The following FBXL4 variants were observed in gnomAD, a reference collection of about 807,000 sequenced individuals.
FBXL4 encodes F-box and leucine rich repeat protein 4.
In FBXL4, 40 loss-of-function variants were observed where a neutral mutation model predicts 58.9. The ratio of observed to expected loss-of-function variants is 0.68; its 90% confidence interval spans 0.53 to 0.88. FBXL4 has a LOEUF of 0.88. Among genes scored for constraint, FBXL4 ranks in the 40% least tolerant of loss-of-function variants. The pLI is 0.00. For missense variants in FBXL4, 676 were observed against 734.4 expected, an observed-to-expected ratio of 0.92 and a Z score of 0.92; for synonymous variants, 263 against 265.5, an observed-to-expected ratio of 0.99 and a Z score of 0.09.
At chr6:98,921,110 T>C (rs1238685139) in intron 4 of FBXL4, among the ~76,000 whole-genome samples, 1 of 152,178 alleles carries the variant, frequency 6.6e-6, no homozygotes, top group East Asian at 1.9e-4. Flanking sequence ...ATCTGGAGCA[T>C]TCAATTCTGG....
rs1379012579 is a variant in FBXL4, at chr6:98,880,636, G to C, written c.1318-12C>G. 1 of 1,611,554 alleles carries C rather than the reference G, an allele frequency of 6.2e-7. No individual in the cohort carries two copies. Among genetic ancestry groups the C allele is most frequent in the East Asian group, 2.2e-5 (1 of 44,822 alleles). On this transcript the variant is annotated splice_polypyrimidine_tract_variant and intron_variant, in intron 7 of 9. Transcript: ENST00000369244. ...AGCAGTGCTGTTTGCTGCCATTAGG[G>C]ACCACATCAGAGGCAAATATGGAAA...
chr6:98,937,936 T>C (rs1434305593), intron 1 of FBXL4, among the ~76,000 whole-genome samples: 2 of 152,070 alleles, frequency 1.3e-5, no homozygotes, highest in Non-Finnish European at 2.9e-5. Context: ...AACACTCGTC[T>C]CCACCAAGTT....
rs117259561 is a variant in FBXL4 at position 98,880,284 on chromosome 6, C to T, written c.1389+269G>A. 3.6e-3 allele frequency among the ~76,000 whole-genome samples: 555 copies of T among 152,306 alleles called. 3 individuals are homozygous for T. Among genetic ancestry groups the T allele is most frequent in the Middle Eastern group, 0.02 (6 of 294 alleles). On this transcript the variant is annotated intron_variant, in intron 8 of 9. Transcript: ENST00000369244. ...AAACCTAGAGAGGTGATTAGCTTGT[C>T]GGAGACAACATCTGGCTTGAGGCAG...
intron 1 of FBXL4, among the ~76,000 whole-genome samples, chr6:98,944,168 A>T (rs1441906602): frequency 1.3e-5 from 2 of 152,242 alleles, no homozygotes; most frequent in Non-Finnish European, 2.9e-5. Flanking sequence ...GTGTACAAAG[A>T]GTATTTTAAT....
chr6:98,919,394 T>G (rs1220766534), intron 4 of FBXL4, among the ~76,000 whole-genome samples: 1 of 152,136 alleles, frequency 6.6e-6, no homozygotes, highest in Non-Finnish European at 1.5e-5. Flanking sequence ...CCATCAAACA[T>G]AAACAGCCTG....
At chr6:98,937,057 C>A (rs1773247621) in intron 1 of FBXL4, among the ~76,000 whole-genome samples, 1 of 152,136 alleles carries the variant, frequency 6.6e-6, no homozygotes, top group Non-Finnish European at 1.5e-5. Context: ...TGCCTGTAAT[C>A]CCAGCATTTT....
intron 7 of FBXL4, among the ~76,000 whole-genome samples, chr6:98,882,651 TCACTA>T (rs1446538968): frequency 1.3e-5 from 2 of 151,998 alleles, no homozygotes; most frequent in Non-Finnish European, 2.9e-5. Context: ...TTTGTTTACC[TCACTA>T]CATTTTTGTA....
intron 8 of FBXL4, among the ~76,000 whole-genome samples, chr6:98,877,440 T>C (rs1770699842): frequency 6.6e-6 from 1 of 152,200 alleles, no homozygotes; most frequent in Non-Finnish European, 1.5e-5. Context: ...CAGTGAGAAA[T>C]TCCTTCAAGA....
In FBXL4 at chr6:98,870,974, T is replaced by G. The variant is rs1000452177; in HGVS notation, c.*3304A>C. ...GCATGTGCCTGTAATCTCAGCTACT[T>G]GGGAGGCTGAGGCAGGAGACTCGCT... is the stretch of plus-strand genomic sequence containing the variant. On this transcript the variant is annotated 3_prime_UTR_variant, in exon 10 of 10. Coordinates refer to ENST00000369244, the MANE Select transcript of FBXL4 (RefSeq NM_001278716.2). 2.6e-5 allele frequency: 4 copies of G among 151,134 alleles called. No individual in the cohort carries two copies. The highest frequency in any genetic ancestry group is 9.8e-5 in the African/African-American group (4 of 41,020). 9.4% of individuals were successfully genotyped at this position (151,134 alleles called of 1,614,324 possible).
chr6:98,897,239 A>G, intron 7 of FBXL4: 1 of 985,344 alleles, frequency 1.0e-6, no homozygotes, highest in Non-Finnish European at 1.2e-6. Flanking sequence ...ATGTGCCAGT[A>G]AAAAGCAGGT....
At chr6:98,930,982 A>G (rs1309518974) in intron 2 of FBXL4, among the ~76,000 whole-genome samples, 6 of 152,240 alleles carry the variant, frequency 3.9e-5, no homozygotes, top group Non-Finnish European at 7.3e-5. Flanking sequence ...ATGTATTCAA[A>G]TCAATTGACA....
intron 5 of FBXL4, among the ~76,000 whole-genome samples, chr6:98,908,010 T>C (rs532406927): frequency 6.6e-6 from 1 of 152,300 alleles, no homozygotes; most frequent in African/African-American, 2.4e-5. Context: ...CAAAATCCCA[T>C]TGTAGTGGTC....
At chr6:98,874,846 G>A (rs1265743485) in intron 9 of FBXL4, among the ~76,000 whole-genome samples, 1 of 152,150 alleles carries the variant, frequency 6.6e-6, no homozygotes, top group East Asian at 1.9e-4. Flanking sequence ...TAACTACTGT[G>A]ACACTGCTAG....
At chr6:98,943,579 C>CAAAAAAA (rs59697294) in intron 1 of FBXL4, among the ~76,000 whole-genome samples, 45 of 76,456 alleles carry the variant, frequency 5.9e-4, no homozygotes, top group South Asian at 1.7e-3. Flanking sequence ...GACTCTGTCT[C>CAAAAAAA]AAAAAAAAAA....
chr6:98,890,684 T>C (rs1455838365), intron 7 of FBXL4, among the ~76,000 whole-genome samples: 1 of 152,128 alleles, frequency 6.6e-6, no homozygotes, highest in Non-Finnish European at 1.5e-5. Context: ...TTTGGGAGGC[T>C]GAGGCCGGCA....
chr6:98,878,281 T>C (rs1268559690), intron 8 of FBXL4, among the ~76,000 whole-genome samples: 1 of 152,170 alleles, frequency 6.6e-6, no homozygotes, highest in Admixed American at 6.5e-5. Context: ...AAATGTAATA[T>C]AGAAAAATGA....
chr6:98,928,232 G>A (rs1442350098), intron 2 of FBXL4, among the ~76,000 whole-genome samples: 2 of 152,048 alleles, frequency 1.3e-5, no homozygotes, highest in African/African-American at 4.8e-5. Flanking sequence ...TCATTGAGTA[G>A]GTAAACTTTT....
chr6:98,915,471 G>C (rs1160970431), intron 5 of FBXL4, among the ~76,000 whole-genome samples: 7 of 151,512 alleles, frequency 4.6e-5, no homozygotes, highest in Admixed American at 2.0e-4. Context: ...CCAAAACAGA[G>C]ATATAGATCA....
chr6:98,941,265 T>C (rs1044175552), intron 1 of FBXL4, among the ~76,000 whole-genome samples: 3 of 151,916 alleles, frequency 2.0e-5, no homozygotes, highest in African/African-American at 7.2e-5. Flanking sequence ...CAGGCAATAA[T>C]ATAGATGAAT....
Sources: gnomAD v4.1 joint callset for allele counts (sites outside exome capture counted in the v4.1 genomes callset) on GRCh38, gnomAD v4.1.1 for gene constraint, MANE v1.5 for transcripts, NCBI Gene and HGNC (gene_info 2026-07-23, HGNC 2026-07-21) for gene names.